The following UBQLN1 variants were observed in gnomAD, a reference collection of about 807,000 sequenced individuals.
UBQLN1 encodes ubiquilin 1.
Under a neutral mutation model 65.4 loss-of-function variants are expected in UBQLN1, and 13 were observed. The observed-to-expected ratio is 0.20, with a 90% CI of 0.13 to 0.32. UBQLN1 has a LOEUF of 0.32. Ranked by LOEUF, UBQLN1 falls within the 10% of genes least tolerant of loss-of-function variation. The pLI is 1.00. For synonymous variants in UBQLN1, 267 were observed against 247.8 expected (o/e 1.08, Z -0.73); for missense variants, 561 against 724.0 (o/e 0.77, Z 2.58).
intron 1 of UBQLN1, among the ~76,000 whole-genome samples, chr9:83,696,672 C>G (rs1351448734): frequency 6.6e-6 from 1 of 151,388 alleles, no homozygotes; most frequent in Non-Finnish European, 1.5e-5. Context: ...CAACTAGGTA[C>G]AAAATATTGC....
rs528536464 is a variant in UBQLN1 at position 83,666,359 on chromosome 9, G to A, written c.1323C>T (p.Phe441=). The A allele has an allele frequency of 1.2e-6, 2 of 1,613,858 alleles. No homozygotes were observed. Among genetic ancestry groups the A allele is most frequent in the Non-Finnish European group, 1.7e-6 (2 of 1,179,788 alleles). ...QEQMRQQLPT[F]LQQMQNPDTL... ...ATCTTGTCTTACTCACTTGTTGGAGGAAAGTTGGGAGCTGTTGTCTCATTT... is the reference window on the plus strand; with the variant it reads ...ATCTTGTCTTACTCACTTGTTGGAGAAAAGTTGGGAGCTGTTGTCTCATTT... The change falls in exon 8 of 11, where the codon TTC becomes TTT. Residue 441 remains phenylalanine, a synonymous_variant. Transcript: ENST00000376395.
intron 1 of UBQLN1, among the ~76,000 whole-genome samples, chr9:83,686,696 A>G (rs903391609): frequency 4.6e-5 from 7 of 152,110 alleles, no homozygotes; most frequent in African/African-American, 1.7e-4. Context: ...CTTTCTTTCT[A>G]GTTGAATACA....
At chr9:83,679,681 A>C in intron 4 of UBQLN1, 94 bp downstream of exon 4, 1 of 1,343,042 alleles carries the variant, frequency 7.4e-7, no homozygotes, top group African/African-American at 1.5e-5. Context: ...CTTTAGCTTA[A>C]CCATACATAC....
At chr9:83,675,154 C>T (rs1370296554) in intron 6 of UBQLN1, among the ~76,000 whole-genome samples, 1 of 152,154 alleles carries the variant, frequency 6.6e-6, no homozygotes, top group African/African-American at 2.4e-5. Context: ...AATATTCTGA[C>T]ATGCCTAACC....
At chr9:83,678,643 A>G in intron 4 of UBQLN1, 44 bp from the exon 5 acceptor site, 1 of 1,554,506 alleles carries the variant, frequency 6.4e-7, no homozygotes, top group Non-Finnish European at 8.7e-7. Flanking sequence ...AAGGCATTGA[A>G]ATACACATGA....
chr9:83,677,798 G>A lies in UBQLN1; in HGVS notation c.1034C>T (p.Thr345Ile). Residue 345 changes from threonine to isoleucine, a missense_variant, in exon 6 of 11, where the codon ACT (threonine) becomes ATT (isoleucine). Coordinates refer to ENST00000376395, the MANE Select transcript of UBQLN1 (RefSeq NM_013438.5). Reference sequence around the variant, plus strand: ...AGTGCCACTGGCAGTACTACCAGTAGTGCCACCCACAGTGCTGGCAGTGCC... The same window carrying A: ...AGTGCCACTGGCAGTACTACCAGTAATGCCACCCACAGTGCTGGCAGTGCC... The part of the protein sequence containing the change: ...SSGTASTVGG[T>I]TGSTASGTSG... 3 of 1,614,178 alleles carry A rather than the reference G, an allele frequency of 1.9e-6. No homozygotes were observed. Among genetic ancestry groups the A allele is most frequent in the Non-Finnish European group, 2.5e-6 (3 of 1,180,016 alleles).
At chr9:83,698,211 C>T (rs1034071581) in intron 1 of UBQLN1, among the ~76,000 whole-genome samples, 1 of 152,042 alleles carries the variant, frequency 6.6e-6, no homozygotes, top group Admixed American at 6.5e-5. Flanking sequence ...AAGAAAGAGC[C>T]AGTGATATTT....
chr9:83,675,863 T>TC (rs1421990207), intron 6 of UBQLN1, among the ~76,000 whole-genome samples: 1 of 152,214 alleles, frequency 6.6e-6, no homozygotes, highest in African/African-American at 2.4e-5. Flanking sequence ...AAAATGTTAT[T>TC]CCCCCAAAGA....
Position 83,682,084 on chromosome 9 carries a change from A to C in UBQLN1, c.448+867T>G, listed in dbSNP as rs139275400. On this transcript the variant is annotated intron_variant, in intron 3 of 10. Coordinates refer to ENST00000376395, the MANE Select transcript of UBQLN1 (RefSeq NM_013438.5). ...CAGATCACAAATTCAGGAGATCTAGACCATCCTGGCTAATATGGTGAAACC... is the reference window on the plus strand; with the variant it reads ...CAGATCACAAATTCAGGAGATCTAGCCCATCCTGGCTAATATGGTGAAACC... Among the ~76,000 whole-genome samples the C allele has an allele frequency of 3.0e-3, 464 of 152,222 alleles. 1 individual carries two copies. Among genetic ancestry groups the C allele is most frequent in the Non-Finnish European group, 5.4e-3 (370 of 68,008 alleles).
In UBQLN1 at chr9:83,661,038, A is replaced by G. The variant is rs562880337; in HGVS notation, c.*749T>C. On this transcript the variant is annotated 3_prime_UTR_variant, in exon 11 of 11. Coordinates refer to ENST00000376395, the MANE Select transcript of UBQLN1 (RefSeq NM_013438.5). ...ACAGTCAATCTGTGAATGAATGTTG[A>G]GACAATGTTACATTATGTGTCTGTA... is the stretch of plus-strand genomic sequence containing the variant. 6.6e-6 allele frequency: 1 copy of G among 152,240 alleles called. No individual in the cohort carries two copies. The allele number at this position is 152,240 out of a possible 1,614,324, so 9.4% of individuals were successfully genotyped here.
At chr9:83,695,944 TTA>T (rs1832205187) in intron 1 of UBQLN1, among the ~76,000 whole-genome samples, 1 of 133,970 alleles carries the variant, frequency 7.5e-6, no homozygotes, top group South Asian at 2.3e-4. Flanking sequence ...ACTTTTCAAA[TTA>T]ATTTTTTTTT....
intron 3 of UBQLN1, among the ~76,000 whole-genome samples, chr9:83,681,064 T>C (rs1184077978): frequency 6.6e-6 from 1 of 152,220 alleles, no homozygotes; most frequent in African/African-American, 2.4e-5. Context: ...CTTCTAATAA[T>C]CTTTCCAAAA....
chr9:83,666,491 C>T (rs964516959), intron 7 of UBQLN1, 58 bp from the exon 8 acceptor site: 5 of 1,550,240 alleles, frequency 3.2e-6, no homozygotes, highest in African/African-American at 1.4e-5. Flanking sequence ...AGTAATGTAC[C>T]TTGTTTTATT....
In UBQLN1 at chr9:83,666,400, G is replaced by A. The variant is rs1831643797; in HGVS notation, c.1282C>T (p.Pro428Ser). ...TGTCTCATTTGTTCTTGAAGCTGAGGATTTCCAGCAAATAGGGGATTATTC... is the reference window on the plus strand; with the variant it reads ...TGTCTCATTTGTTCTTGAAGCTGAGAATTTCCAGCAAATAGGGGATTATTC... ...MLNNPLFAGN[P>S]QLQEQMRQQL... is the part of the protein sequence containing the mutation. Residue 428 changes from proline to serine, a missense_variant, in exon 8 of 11, where the codon CCT (proline) becomes TCT (serine). Coordinates refer to ENST00000376395, the MANE Select transcript of UBQLN1 (RefSeq NM_013438.5). 6.2e-7 allele frequency: 1 copy of A among 1,613,894 alleles called. No individual in the cohort carries two copies. Among genetic ancestry groups the A allele is most frequent in the Non-Finnish European group, 8.5e-7 (1 of 1,179,816 alleles).
intron 10 of UBQLN1, among the ~76,000 whole-genome samples, chr9:83,662,675 A>T (rs1430690842): frequency 6.6e-6 from 1 of 152,238 alleles, no homozygotes; most frequent in African/African-American, 2.4e-5. Context: ...TATTCCATGA[A>T]TATTTACTGA....
At chr9:83,668,698 A>G (rs1249283170) in intron 7 of UBQLN1, 1 of 919,186 alleles carries the variant, frequency 1.1e-6, no homozygotes, top group Admixed American at 6.2e-5. Context: ...CAGCAGGGGA[A>G]TCAATAGTTG....
chr9:83,693,441 T>G (rs1246603070), intron 1 of UBQLN1, among the ~76,000 whole-genome samples: 1 of 150,614 alleles, frequency 6.6e-6, no homozygotes. Context: ...TCAAGGTATC[T>G]TGTATCTGCC....
chr9:83,698,100 T>A (rs1395898382), intron 1 of UBQLN1, among the ~76,000 whole-genome samples: 3 of 152,124 alleles, frequency 2.0e-5, no homozygotes, highest in African/African-American at 4.8e-5. Context: ...TGTGACATTT[T>A]AAAAAAATAT....
At chr9:83,698,462 T>A (rs1250670657) in intron 1 of UBQLN1, among the ~76,000 whole-genome samples, 1 of 152,204 alleles carries the variant, frequency 6.6e-6, no homozygotes, top group Non-Finnish European at 1.5e-5. Context: ...AGTCTTTATA[T>A]CAATTGCACC....
Sources: allele counts gnomAD v4.1 joint callset (sites outside exome capture counted in the v4.1 genomes callset), GRCh38; gene constraint gnomAD v4.1.1; transcripts MANE v1.5; gene names NCBI Gene and HGNC (gene_info 2026-07-23, HGNC 2026-07-21).